Variants in TEX11 observed in about 807,000 individuals in gnomAD.
TEX11 encodes the protein testis expressed 11, also known as testis-expressed protein 11.
TEX11 carries 7 observed loss-of-function variants against 84.4 expected under a neutral mutation model. That is an observed-to-expected ratio of 0.08 (90% confidence interval 0.05 to 0.16). TEX11 has a LOEUF of 0.16. Ranked by LOEUF, TEX11 falls within the 10% of genes least tolerant of loss-of-function variation. TEX11 has a pLI of 1.00. For missense variants in TEX11, 551 were observed against 660.5 expected (o/e 0.83, Z 1.82); for synonymous variants, 264 against 222.8 (o/e 1.18, Z -1.64).
intron 16 of TEX11, among the ~76,000 whole-genome samples, chrX:70,654,170 G>A (rs1021372060): frequency 9.0e-6 from 1 of 111,181 alleles, no homozygotes; most frequent in Non-Finnish European, 1.9e-5. Context: ...TGTAAACTAC[G>A]GACTTTAGTT....
At chrX:70,519,314 A>G in the TEX11 span, among the ~76,000 whole-genome samples, 3 of 111,843 alleles carry the variant, frequency 2.7e-5, no homozygotes, top group Non-Finnish European at 5.6e-5. Context: ...CCTGCTGGTG[A>G]CAAAATCTCT....
In TEX11 at chrX:70,670,463, A is replaced by G; in HGVS notation, c.1294T>C (p.Tyr432His). ...LQWYYYSLRF[Y>H]STDEMDLDFT... Reference sequence around the variant, plus strand: ...TCCAGATCCATTTCATCAGTTGAATAAAACCTCAGAGAATAATAGTACCAT... The same window carrying G: ...TCCAGATCCATTTCATCAGTTGAATGAAACCTCAGAGAATAATAGTACCAT... Residue 432 changes from tyrosine (Y) to histidine (H), a missense_variant, in exon 16 of 30, where the codon TAT (tyrosine) becomes CAT (histidine). Tyr to His is a moderately conservative substitution (Grantham distance 83). Coordinates refer to ENST00000374333, the MANE Select transcript of TEX11 (RefSeq NM_031276.3). 4.1e-6 allele frequency: 5 copies of G among 1,209,500 alleles called. No homozygotes were observed. The highest frequency in any genetic ancestry group is 5.6e-6 in the Non-Finnish European group (5 of 894,417).
downstream of TEX11, among the ~76,000 whole-genome samples, chrX:70,524,631 T>A (rs1460502251): frequency 8.9e-6 from 1 of 112,846 alleles, no homozygotes; most frequent in East Asian, 2.8e-4. Flanking sequence ...AATGGCACGA[T>A]CTCGGCTCAC....
intron 9 of TEX11, among the ~76,000 whole-genome samples, chrX:70,795,573 CA>C (rs1322900336): frequency 8.9e-6 from 1 of 111,915 alleles, no homozygotes; most frequent in African/African-American, 3.2e-5. Context: ...ACAGCAGTCC[CA>C]GGGGTAGTGG....
intron 2 of TEX11, among the ~76,000 whole-genome samples, chrX:70,903,748 T>A (rs2091815283): frequency 9.1e-6 from 1 of 110,108 alleles, no homozygotes; most frequent in African/African-American, 3.3e-5. Flanking sequence ...CTTCAAATAG[T>A]TGAAGATGAC....
chrX:70,817,580 A>T (rs1318330338), intron 8 of TEX11, among the ~76,000 whole-genome samples: 1 of 110,590 alleles, frequency 9.0e-6, no homozygotes, highest in Non-Finnish European at 1.9e-5. Flanking sequence ...GCTACTCAGG[A>T]GGCTGAGGCA....
chrX:70,635,447 C>T (rs891332252), intron 17 of TEX11, among the ~76,000 whole-genome samples: 5 of 112,387 alleles, frequency 4.4e-5, no homozygotes, highest in Admixed American at 9.4e-5. Flanking sequence ...ACCAGGCCAA[C>T]CCCAGCGGAT....
chrX:70,530,529 A>G lies in TEX11; in HGVS notation c.2521-530T>C, dbSNP rs188550011. 7.1e-5 allele frequency among the ~76,000 whole-genome samples: 8 copies of G among 112,242 alleles called. No homozygotes were observed. In the East Asian group the frequency reaches 2.0e-3, roughly 27 times the overall value. On this transcript the variant is annotated intron_variant, in intron 28 of 29. Transcript: ENST00000374333. ...CTTAGCCTTATCAGTGGTCTTTAAC[A>G]TGACTAATCACAAGATTATATTTGC...
chrX:70,540,420 C>A (rs1450230108), intron 28 of TEX11, among the ~76,000 whole-genome samples: 1 of 111,626 alleles, frequency 9.0e-6, no homozygotes, highest in Non-Finnish European at 1.9e-5. Flanking sequence ...AAGATCTGTA[C>A]CCATTATGTA....
At chrX:70,770,061 C>G (rs1197616046) in intron 9 of TEX11, among the ~76,000 whole-genome samples, 3 of 111,380 alleles carry the variant, frequency 2.7e-5, no homozygotes, top group Non-Finnish European at 5.7e-5. Flanking sequence ...TTCAAGGTCA[C>G]AGTTTATCAT....
chrX:70,547,621 C>T (rs1208645722), intron 28 of TEX11, among the ~76,000 whole-genome samples: 10 of 111,891 alleles, frequency 8.9e-5, no homozygotes, highest in Non-Finnish European at 1.9e-4. Context: ...TATGAACAGA[C>T]ACTTCTCAAA....
chrX:70,717,950 T>C (rs1447215965), intron 13 of TEX11, among the ~76,000 whole-genome samples: 2 of 112,569 alleles, frequency 1.8e-5, no homozygotes, highest in East Asian at 5.5e-4. Context: ...AAATAATTTA[T>C]CAAATTTTCC....
At chrX:70,812,370 G>C (rs1223761575) in intron 8 of TEX11, among the ~76,000 whole-genome samples, 1 of 110,129 alleles carries the variant, frequency 9.1e-6, no homozygotes, top group Non-Finnish European at 1.9e-5. Flanking sequence ...CACCAGGCCG[G>C]CTAATTTTTT....
At chrX:70,658,562 A>C (rs1357305514) in intron 16 of TEX11, among the ~76,000 whole-genome samples, 2 of 112,057 alleles carry the variant, frequency 1.8e-5, no homozygotes, top group African/African-American at 6.5e-5. Flanking sequence ...AAGTAAATAA[A>C]TACAGCCAAT....
chrX:70,897,046 C>T (rs1039770528), intron 2 of TEX11, among the ~76,000 whole-genome samples: 4 of 101,815 alleles, frequency 3.9e-5, no homozygotes, highest in South Asian at 4.7e-4. Context: ...GCAAGAGGAT[C>T]GCTTGAACCC....
chrX:70,854,360 A>G (rs1329727938), intron 5 of TEX11, among the ~76,000 whole-genome samples: 1 of 111,252 alleles, frequency 9.0e-6, no homozygotes, highest in Non-Finnish European at 1.9e-5. Flanking sequence ...AAGAATGGAA[A>G]TATCCTCACA....
chrX:70,716,554 T>C (rs921686010), intron 13 of TEX11, among the ~76,000 whole-genome samples: 3 of 112,472 alleles, frequency 2.7e-5, no homozygotes, highest in Non-Finnish European at 5.6e-5. Flanking sequence ...GTGCTAGCAA[T>C]GAGCGAGGCT....
intron 1 of TEX11, 128 bp from the exon 2 acceptor site, chrX:70,907,938 G>C: frequency 2.1e-6 from 1 of 474,380 alleles, no homozygotes. Context: ...AAAGTTAAAA[G>C]CCCATGAAAG....
intron 13 of TEX11, among the ~76,000 whole-genome samples, chrX:70,720,773 A>ATAT (rs969142591): frequency 1.0e-5 from 1 of 96,233 alleles, no homozygotes; most frequent in African/African-American, 3.6e-5. Context: ...ACATATATAT[A>ATAT]ATATATATAT....
Sources: gnomAD v4.1 joint callset for allele counts (sites outside exome capture counted in the v4.1 genomes callset) on GRCh38, gnomAD v4.1.1 for gene constraint, MANE v1.5 for transcripts, NCBI Gene and HGNC (gene_info 2026-07-23, HGNC 2026-07-21) for gene names.